The following UBE3D variants were observed in gnomAD, a reference collection of about 807,000 sequenced individuals.
The protein encoded by UBE3D is ubiquitin protein ligase E3D.
Under a neutral mutation model 49.6 loss-of-function variants are expected in UBE3D, and 48 were observed. The ratio of observed to expected loss-of-function variants is 0.97; its 90% confidence interval spans 0.77 to 1.23. UBE3D has a LOEUF of 1.23. UBE3D is among the 50% of genes most tolerant of loss of function. The probability of loss-of-function intolerance (pLI) is 0.00; values close to 1 mark genes in which losing one functional copy is unlikely to be tolerated. For synonymous variants in UBE3D, 189 were observed against 174.2 expected, an observed-to-expected ratio of 1.08 and a Z score of -0.67; for missense variants, 452 against 468.4, an observed-to-expected ratio of 0.96 and a Z score of 0.32.
At chr6:83,031,752 A>G (rs1011224703) in intron 5 of UBE3D, among the ~76,000 whole-genome samples, 7 of 152,240 alleles carry the variant, frequency 4.6e-5, no homozygotes, top group African/African-American at 1.7e-4. Flanking sequence ...CTGGAGGCCT[A>G]GAGGGAAAAA....
chr6:82,918,379 A>T (rs1562082273), intron 9 of UBE3D, among the ~76,000 whole-genome samples: 1 of 152,208 alleles, frequency 6.6e-6, no homozygotes, highest in East Asian at 1.9e-4. Flanking sequence ...CATGCTCTTC[A>T]TATGTATGAC....
intron 8 of UBE3D, among the ~76,000 whole-genome samples, chr6:82,962,408 C>T (rs1474684680): frequency 6.6e-6 from 1 of 152,180 alleles, no homozygotes; most frequent in Non-Finnish European, 1.5e-5. Context: ...TGGACAAGCA[C>T]TCTGGAGCCT....
At chr6:82,976,370 T>A (rs1777716030) in intron 8 of UBE3D, among the ~76,000 whole-genome samples, 1 of 152,216 alleles carries the variant, frequency 6.6e-6, no homozygotes, top group South Asian at 2.1e-4. Flanking sequence ...TAAAATATTC[T>A]ATTCCTGACA....
At chr6:82,926,473 G>A (rs796779878) in intron 9 of UBE3D, among the ~76,000 whole-genome samples, 4 of 152,184 alleles carry the variant, frequency 2.6e-5, no homozygotes, top group African/African-American at 9.6e-5. Flanking sequence ...CTTTGGTATT[G>A]ATGATATGGT....
intron 5 of UBE3D, chr6:83,037,344 T>C (rs1163352040): frequency 1.3e-5 from 2 of 152,222 alleles, no homozygotes; most frequent in African/African-American, 2.4e-5. Context: ...TCCATTTCTC[T>C]TTGCCTTTGT....
Position 83,065,714 on chromosome 6 carries a change from G to C in UBE3D, c.5C>G (p.Ala2Gly), listed in dbSNP as rs571444949. The C allele has an allele frequency of 6.2e-7, 1 of 1,610,784 alleles. No individual in the cohort carries two copies. The highest frequency in any genetic ancestry group is 1.3e-5 in the African/African-American group (1 of 74,856). Residue 2 changes from alanine to glycine, a missense_variant, in exon 1 of 10, where the codon GCG (alanine) becomes GGG (glycine). Coordinates refer to ENST00000369747, the MANE Select transcript of UBE3D (RefSeq NM_198920.3). ...CACGCGCGTCTCCGCCGCAGAAGCC[G>C]CCATGGCAGGCTTCCAGTCCCAGAC... is the stretch of plus-strand genomic sequence containing the variant. The part of the protein sequence containing the change: M[A>G]ASAAETRVFL...
chr6:82,901,264 T>TA (rs200049918), intron 9 of UBE3D, among the ~76,000 whole-genome samples: 17,579 of 145,246 alleles, frequency 0.12, 1,251 homozygotes, highest in Admixed American at 0.26. Context: ...CTGCATCACT[T>TA]AAAAAAAAAA....
At chr6:83,028,004 C>T (rs1438075460) in intron 5 of UBE3D, among the ~76,000 whole-genome samples, 6 of 152,162 alleles carry the variant, frequency 3.9e-5, no homozygotes, top group Admixed American at 3.9e-4. Context: ...ATCTTTTGCT[C>T]GTTAATTCTC....
chr6:82,969,671 T>C (rs1432043437), intron 8 of UBE3D, among the ~76,000 whole-genome samples: 1 of 152,080 alleles, frequency 6.6e-6, no homozygotes. Context: ...GAAATTAGAC[T>C]ACATAACCTT....
At chr6:83,011,287 T>C (rs1016440896) in intron 8 of UBE3D, among the ~76,000 whole-genome samples, 3 of 152,214 alleles carry the variant, frequency 2.0e-5, no homozygotes, top group African/African-American at 7.2e-5. Context: ...GACACTTACA[T>C]TCCTTGTTTC....
chr6:82,901,333 T>C lies in UBE3D; in HGVS notation c.1150-8291A>G, dbSNP rs1240721042. 3.9e-5 allele frequency among the ~76,000 whole-genome samples: 6 copies of C among 152,106 alleles called. No individual in the cohort carries two copies. In the South Asian group the frequency reaches 1.0e-3, roughly 26 times the overall value. ...GAGCAGGGCTTGGGAGAGGGTGGTA[T>C]TGACTGACAGTCCCAGGAAACACTT... On this transcript the variant is annotated intron_variant, in intron 9 of 9. Coordinates refer to ENST00000369747, the MANE Select transcript of UBE3D (RefSeq NM_198920.3).
At chr6:82,990,481 T>C (rs560953518) in intron 8 of UBE3D, among the ~76,000 whole-genome samples, 271 of 152,172 alleles carry the variant, frequency 1.8e-3, no homozygotes, top group Non-Finnish European at 2.4e-3. Context: ...TTTCACCATG[T>C]TGGACAGGCT....
chr6:82,888,532 A>C (rs1414872140), downstream of UBE3D, among the ~76,000 whole-genome samples: 1 of 152,164 alleles, frequency 6.6e-6, no homozygotes, highest in Non-Finnish European at 1.5e-5. Context: ...TGAATAAAGA[A>C]AATGTAGTCA....
At chr6:82,967,420 T>C (rs1016806329) in intron 8 of UBE3D, among the ~76,000 whole-genome samples, 3 of 151,952 alleles carry the variant, frequency 2.0e-5, no homozygotes, top group African/African-American at 7.3e-5. Flanking sequence ...ACAGTTCCAT[T>C]ACGAGCATCT....
At chr6:83,061,209 T>G in intron 1 of UBE3D, among the ~76,000 whole-genome samples, 1 of 152,174 alleles carries the variant, frequency 6.6e-6, no homozygotes, top group African/African-American at 2.4e-5. Context: ...ATGATTGTAC[T>G]ATCATCTTGC....
intron 3 of UBE3D, 67 bp downstream of exon 3, chr6:83,054,081 A>T: frequency 7.2e-7 from 1 of 1,393,986 alleles, no homozygotes; most frequent in Non-Finnish European, 1.0e-6. Context: ...TACTTGAAAA[A>T]TTCTGATAGA....
chr6:82,964,612 A>G, intron 8 of UBE3D, among the ~76,000 whole-genome samples: 1 of 152,214 alleles, frequency 6.6e-6, no homozygotes, highest in East Asian at 1.9e-4. Flanking sequence ...CTCACTTTCA[A>G]AGCTACGCCA....
chr6:82,969,560 A>G (rs1777197379), intron 8 of UBE3D, among the ~76,000 whole-genome samples: 1 of 152,122 alleles, frequency 6.6e-6, no homozygotes, highest in Admixed American at 6.5e-5. Flanking sequence ...GTGAGTCAAG[A>G]TCATCCCACT....
rs762923234 is a variant in UBE3D, at chr6:83,019,035, A to G, written c.948T>C (p.Ser316=). ...PLLENTFKAD[S]SSAWSAVKVL... ...CCTTGACAGCACTCCAGGCAGAACT[A>G]GAATCGGCTTTGAATGTGTTTTCCA... The change falls in exon 8 of 10, where the codon TCT becomes TCC. Residue 316 remains serine, a synonymous_variant. Coordinates refer to ENST00000369747, the MANE Select transcript of UBE3D (RefSeq NM_198920.3). 4 of 1,613,978 alleles carry G rather than the reference A, an allele frequency of 2.5e-6. No individual in the cohort carries two copies. The Admixed American group carries it at 6.7e-5, about 27-fold the overall frequency.
Sources: gnomAD v4.1 joint callset for allele counts (sites outside exome capture counted in the v4.1 genomes callset) on GRCh38, gnomAD v4.1.1 for gene constraint, MANE v1.5 for transcripts, NCBI Gene and HGNC (gene_info 2026-07-23, HGNC 2026-07-21) for gene names.